The following MAP9 variants were observed in gnomAD, a reference collection of about 807,000 sequenced individuals.
The protein encoded by MAP9 is microtubule-associated protein 9.
Under a neutral mutation model 75.2 loss-of-function variants are expected in MAP9, and 80 were observed. That is an observed-to-expected ratio of 1.06 (90% CI 0.89 to 1.28). MAP9 has a LOEUF of 1.28. Among genes scored for constraint, MAP9 ranks in the 50% most tolerant of loss-of-function variants. The pLI is 0.00. For synonymous variants in MAP9, 235 were observed against 237.3 expected (o/e 0.99, Z 0.09); for missense variants, 753 against 719.9 (o/e 1.05, Z -0.53).
Position 155,353,177 on chromosome 4 carries a change from A to G in MAP9, c.1542+2T>C. On this transcript the variant is annotated splice_donor_variant, in intron 11 of 13. Transcript: ENST00000311277. LOFTEE classifies it high-confidence loss of function. ...AATTAAGATGTGCAAAGTTCTGAAT[A>G]CTTGTAGTGCTTCTCCTTTTCTTGC... The G allele has an allele frequency of 1.3e-6, 2 of 1,584,614 alleles. No homozygotes were observed. The highest frequency in any genetic ancestry group is 8.5e-7 in the Non-Finnish European group (1 of 1,169,950).
rs1158906692 is a variant in MAP9 at position 155,343,209 on chromosome 4, A to T, written c.*4574T>A. ...GTATTTTATATATATTATGTACATC[A>T]TTATATATATATGCATACATATTTG... On this transcript the variant is annotated 3_prime_UTR_variant, in exon 14 of 14. Transcript: ENST00000311277. 2 of 150,778 alleles carry T rather than the reference A, an allele frequency of 1.3e-5. No homozygotes were observed. The highest frequency in any genetic ancestry group is 4.9e-5 in the African/African-American group (2 of 41,126). The allele number at this position is 150,778 out of a possible 1,614,324, so 9.3% of individuals were successfully genotyped here. A position where few individuals can be genotyped will look rare whatever the true frequency, so the allele number is the denominator to read the frequency against.
At chr4:155,349,069 AGAGT>A (rs1247727401) in intron 13 of MAP9, among the ~76,000 whole-genome samples, 6 of 152,212 alleles carry the variant, frequency 3.9e-5, no homozygotes, top group African/African-American at 1.4e-4. Context: ...GGAATAAAAA[AGAGT>A]ATTTACTTTC....
intron 5 of MAP9, among the ~76,000 whole-genome samples, chr4:155,365,159 C>A (rs1440814834): frequency 6.6e-6 from 1 of 151,846 alleles, no homozygotes. Context: ...GTAAGAGATT[C>A]ACTTACATGA....
chr4:155,365,544 T>C (rs1016426334), intron 5 of MAP9, among the ~76,000 whole-genome samples: 1 of 152,080 alleles, frequency 6.6e-6, no homozygotes, highest in African/African-American at 2.4e-5. Context: ...ATTCAACACC[T>C]GGAGAACACA....
intron 4 of MAP9, among the ~76,000 whole-genome samples, chr4:155,369,386 CA>C (rs371427577): frequency 5.9e-5 from 8 of 135,990 alleles, no homozygotes; most frequent in African/African-American, 2.1e-4. Flanking sequence ...AGTAAAGAAA[CA>C]GTTGTCATCC....
intron 4 of MAP9, 111 bp from the exon 5 acceptor site, chr4:155,368,923 T>A (rs1172796972): frequency 2.5e-6 from 2 of 792,748 alleles, no homozygotes; most frequent in Non-Finnish European, 4.0e-6. Context: ...TTGTTCTCTG[T>A]CCTGAAGAGT....
chr4:155,375,069 A>C, intron 2 of MAP9, 48 bp from the exon 3 acceptor site: 1 of 1,338,254 alleles, frequency 7.5e-7, no homozygotes, highest in Non-Finnish European at 1.0e-6. Flanking sequence ...TGGAGGTATC[A>C]TATTCACAAG....
Position 155,347,704 on chromosome 4 carries a change from T to C in MAP9, c.*79A>G, listed in dbSNP as rs1731331274. 3 of 1,305,324 alleles carry C rather than the reference T, an allele frequency of 2.3e-6. No homozygotes were observed. The highest frequency in any genetic ancestry group is 4.8e-5 in the Admixed American group (2 of 41,370). The allele number at this position is 1,305,324 out of a possible 1,614,324, so 80.9% of individuals were successfully genotyped here. On this transcript the variant is annotated 3_prime_UTR_variant, in exon 14 of 14. Coordinates refer to ENST00000311277, the MANE Select transcript of MAP9 (RefSeq NM_001039580.2). ...TAATTAAAATATATTCCTCTAACTA[T>C]AAATAATTGAATGGTTTTAAATCTA...
intron 4 of MAP9, among the ~76,000 whole-genome samples, chr4:155,372,835 G>A (rs1732661255): frequency 6.6e-6 from 1 of 152,160 alleles, no homozygotes; most frequent in African/African-American, 2.4e-5. Flanking sequence ...CTAGGTGTCT[G>A]GAGATCCACA....
At chr4:155,364,615 C>T (rs1302626957) in intron 5 of MAP9, among the ~76,000 whole-genome samples, 1 of 148,814 alleles carries the variant, frequency 6.7e-6, no homozygotes, top group Non-Finnish European at 1.5e-5. Flanking sequence ...TTATTCTAGC[C>T]TTCTTTAATT....
At chr4:155,373,515 G>A (rs1578864072) in intron 3 of MAP9, 59 bp from the exon 4 acceptor site, 17 of 1,156,438 alleles carry the variant, frequency 1.5e-5, no homozygotes, top group African/African-American at 4.7e-5. Flanking sequence ...TCAAGGTTAC[G>A]TTAACTTAAT....
intron 7 of MAP9, among the ~76,000 whole-genome samples, chr4:155,359,210 T>TATACACAC (rs371399839): frequency 5.5e-5 from 8 of 145,478 alleles, no homozygotes; most frequent in African/African-American, 2.0e-4. Context: ...AAAATGTGTA[T>TATACACAC]ACACACACAC....
Position 155,344,800 on chromosome 4 carries a change from CTTTATTA to C in MAP9, c.*2976_*2982del, listed in dbSNP as rs1341130022. 1.3e-5 allele frequency: 2 copies of C among 151,782 alleles called. No individual in the cohort carries two copies. The highest frequency in any genetic ancestry group is 2.4e-5 in the African/African-American group (1 of 41,384). The allele number at this position is 151,782 out of a possible 1,614,324, so 9.4% of individuals were successfully genotyped here. A position where few individuals can be genotyped will look rare whatever the true frequency, so the allele number is the denominator to read the frequency against. The stretch of plus-strand genomic sequence containing the variant: ...TATGAAATTTAAATTCTGTATACTA[CTTTATTA>C]TTTAGTATTAATATTTAAATTTATC... On this transcript the variant is annotated 3_prime_UTR_variant, in exon 14 of 14. Coordinates refer to ENST00000311277, the MANE Select transcript of MAP9 (RefSeq NM_001039580.2).
In MAP9 at chr4:155,343,963, TAAAAGG is replaced by T. The variant is rs1731198342; in HGVS notation, c.*3814_*3819del. The T allele has an allele frequency of 6.6e-6, 1 of 151,936 alleles. No individual in the cohort carries two copies. Among genetic ancestry groups the T allele is most frequent in the African/African-American group, 2.4e-5 (1 of 41,432 alleles). The allele number at this position is 151,936 out of a possible 1,614,324, so 9.4% of individuals were successfully genotyped here. Reference sequence around the variant, plus strand: ...GGAAAGTTGATATCTTTCTTTTATGTAAAAGGAAGCATATGGGTTTAAATACCTTTT... The same window carrying T: ...GGAAAGTTGATATCTTTCTTTTATGTAAGCATATGGGTTTAAATACCTTTT... On this transcript the variant is annotated 3_prime_UTR_variant, in exon 14 of 14. Transcript: ENST00000311277.
At chr4:155,374,610 G>A (rs935341556) in intron 3 of MAP9, among the ~76,000 whole-genome samples, 8 of 152,140 alleles carry the variant, frequency 5.3e-5, no homozygotes, top group African/African-American at 1.2e-4. Flanking sequence ...ACCTCCTAGG[G>A]TTGATCTTAA....
chr4:155,360,809 C>A (rs1420369763), intron 6 of MAP9, among the ~76,000 whole-genome samples: 1 of 151,980 alleles, frequency 6.6e-6, no homozygotes, highest in Admixed American at 6.6e-5. Flanking sequence ...AGGTGTCACA[C>A]CTCTCTAGGC....
At chr4:155,350,925 C>A (rs780820187) in intron 13 of MAP9, 1 of 151,926 alleles carries the variant, frequency 6.6e-6, no homozygotes, top group Non-Finnish European at 1.5e-5. Flanking sequence ...TTATGTTGGT[C>A]TGGCATGTTT....
At chr4:155,353,523 T>A (rs1390169633) in intron 10 of MAP9, among the ~76,000 whole-genome samples, 183 bp from the exon 11 acceptor site, 1 of 152,160 alleles carries the variant, frequency 6.6e-6, no homozygotes, top group African/African-American at 2.4e-5. Context: ...TTACAAAGAA[T>A]GTTATCTGAA....
At chr4:155,353,580 T>C (rs1731625150) in intron 10 of MAP9, among the ~76,000 whole-genome samples, 1 of 152,156 alleles carries the variant, frequency 6.6e-6, no homozygotes, top group Non-Finnish European at 1.5e-5. Context: ...ATTTATCACA[T>C]ATTGACCTAT....
Sources: gnomAD v4.1 joint callset for allele counts (sites outside exome capture counted in the v4.1 genomes callset) on GRCh38, gnomAD v4.1.1 for gene constraint, MANE v1.5 for transcripts, NCBI Gene and HGNC (gene_info 2026-07-23, HGNC 2026-07-21) for gene names.